Variants in DOK7 observed in about 807,000 individuals in gnomAD.
DOK7 encodes docking protein 7.
Under a neutral mutation model 30.7 loss-of-function variants are expected in DOK7, and 32 were observed. That is an observed-to-expected ratio of 1.04 (90% confidence interval 0.79 to 1.40). The LOEUF is 1.40. Ranked by LOEUF, DOK7 falls within the 40% of genes most tolerant of loss-of-function variation. The probability of loss-of-function intolerance (pLI) is 0.00; values close to 1 mark genes in which losing one functional copy is unlikely to be tolerated. For synonymous variants in DOK7, 447 were observed against 324.1 expected (o/e 1.38, Z -4.07); for missense variants, 1,007 against 699.2 (o/e 1.44, Z -4.97).
At chr4:3,500,394 G>A in exon 7 of DOK7, 1 of 1,535,910 alleles carries the variant, frequency 6.5e-7, no homozygotes, top group Non-Finnish European at 8.7e-7. Flanking sequence ...GGCCAGCGAG[G>A]GTGTCCGAGG....
In DOK7 at chr4:3,500,983, A is replaced by G. The variant is rs142665339; in HGVS notation, c.*158A>G. On this transcript the variant is annotated 3_prime_UTR_variant, in exon 8 of 8. Coordinates refer to the DOK7 transcript ENST00000643608. ...TCTCCGGGCCATGGTGCAAACAGGA[A>G]GTTTTCAGGGCCCACGGCCAGGCCT... is the stretch of plus-strand genomic sequence containing the variant. 112 of 1,213,450 alleles carry G rather than the reference A, an allele frequency of 9.2e-5. 1 individual carries two copies. In the African/African-American group the frequency reaches 1.6e-3, roughly 17 times the overall value. The allele number at this position is 1,213,450 out of a possible 1,614,324, so 75.2% of individuals were successfully genotyped here.
At chr4:3,486,926 G>A (rs1190764789) in intron 5 of DOK7, among the ~76,000 whole-genome samples, 2 of 152,102 alleles carry the variant, frequency 1.3e-5, no homozygotes, top group African/African-American at 2.4e-5. Flanking sequence ...GGCAGTTCCC[G>A]GGGAGCAGAG....
chr4:3,496,731 G>C (rs1038064572), downstream of DOK7: 1 of 1,438,530 alleles, frequency 7.0e-7, no homozygotes, highest in Non-Finnish European at 9.3e-7. Context: ...TCACTCTTGG[G>C]GGGTAGTGTC....
chr4:3,490,302 G>GCCC lies in DOK7; in HGVS notation c.772+511_772+513dup, dbSNP rs149731759. Among the ~76,000 whole-genome samples the GCCC allele has an allele frequency of 4.1e-3, 210 of 50,698 alleles. 3 individuals carry two copies. The highest frequency in any genetic ancestry group is 8.5e-3 in the African/African-American group (99 of 11,590). The allele number at this position is 50,698 out of a possible 152,430, so 33.3% of individuals were successfully genotyped here. ...ACCTTGCTCATTCATTTCTTCCTCC[G>GCCC]CCCCCCCGGCTCATTCTTGCCTTAC... On this transcript the variant is annotated intron_variant, in intron 6 of 6. Coordinates refer to ENST00000340083, the MANE Select transcript of DOK7 (RefSeq NM_173660.5).
At chr4:3,496,733 G>A (rs1016183220), downstream of DOK7, 1 of 1,441,626 alleles carries the variant, frequency 6.9e-7, no homozygotes, top group Admixed American at 2.2e-5. Flanking sequence ...ACTCTTGGGG[G>A]GTAGTGTCCT....
At chr4:3,488,119 G>C (rs549064025) in intron 5 of DOK7, among the ~76,000 whole-genome samples, 7 of 152,388 alleles carry the variant, frequency 4.6e-5, no homozygotes, top group African/African-American at 1.2e-4. Context: ...GGACAGGAGA[G>C]AGGCTTGTGC....
chr4:3,494,662 AGCTCCGGGCAGCCCCCGGGCT>A (rs1282601442), downstream of DOK7, among the ~76,000 whole-genome samples: 2 of 150,278 alleles, frequency 1.3e-5, no homozygotes, highest in Non-Finnish European at 3.0e-5. Flanking sequence ...GCGGAGAGGC[AGCTCCGGGCAGCCCCCGGGCT>A]GGGATGTGCA....
chr4:3,480,426 G>A (rs1231951955), intron 4 of DOK7, among the ~76,000 whole-genome samples: 3 of 152,148 alleles, frequency 2.0e-5, no homozygotes, highest in Admixed American at 6.5e-5. Context: ...TGGTCAACAT[G>A]GTGAAACCCC....
At chr4:3,469,263 T>C (rs1032145995) in intron 2 of DOK7, among the ~76,000 whole-genome samples, 1 of 152,058 alleles carries the variant, frequency 6.6e-6, no homozygotes, top group Admixed American at 6.5e-5. Flanking sequence ...CTCTGTGCCT[T>C]GGCCTCTCCT....
In DOK7 at chr4:3,473,598, G is replaced by A. The variant is rs756504268; in HGVS notation, c.293G>A (p.Cys98Tyr). Residue 98 changes from cysteine (C) to tyrosine (Y), a missense_variant, in exon 3 of 7, where the codon TGT (cysteine) becomes TAT (tyrosine). Physicochemically the swap from Cys to Tyr is radical, Grantham distance 194. Transcript: ENST00000340083. ...GGCTTTGACAGCCACGAGGCCATGT[G>A]TGCGTGGGATGCCCGGATCCGCTAT... ...MLGFDSHEAM[C>Y]AWDARIRYAL... is the part of the protein sequence containing the mutation. The A allele has an allele frequency of 3.2e-5, 51 of 1,603,734 alleles. No homozygotes were observed. Among genetic ancestry groups the A allele is most frequent in the Non-Finnish European group, 6.0e-6 (7 of 1,174,756 alleles).
intron 2 of DOK7, among the ~76,000 whole-genome samples, chr4:3,464,223 C>A (rs1187455062): frequency 6.6e-6 from 1 of 152,182 alleles, no homozygotes; most frequent in East Asian, 1.9e-4. Context: ...AGGCCCGGGT[C>A]TGGGTGGGAT....
Position 3,493,078 on chromosome 4 carries a change from G to C in DOK7, c.1092G>C (p.Arg364=). The part of the protein sequence containing the change: ...SYAGSSLDVW[R]ATDELGSLLS... The stretch of plus-strand genomic sequence containing the variant: ...CGGGCAGCAGCCTGGACGTGTGGCG[G>C]GCCACAGATGAACTGGGCTCACTGC... The change falls in exon 7 of 7, where the codon CGG becomes CGC. Residue 364 remains arginine, a synonymous_variant. Coordinates refer to ENST00000340083, the MANE Select transcript of DOK7 (RefSeq NM_173660.5). 6.3e-7 allele frequency: 1 copy of C among 1,576,108 alleles called. No individual in the cohort carries two copies. Among genetic ancestry groups the C allele is most frequent in the Non-Finnish European group, 8.6e-7 (1 of 1,165,448 alleles).
intron 4 of DOK7, among the ~76,000 whole-genome samples, chr4:3,484,176 G>A (rs1360794406): frequency 6.6e-6 from 1 of 152,212 alleles, no homozygotes; most frequent in Non-Finnish European, 1.5e-5. Flanking sequence ...TAGGAATGGC[G>A]CTGTCCCATG....
intron 5 of DOK7, 21 bp from the exon 6 acceptor site, chr4:3,489,656 C>G: frequency 1.3e-6 from 2 of 1,562,100 alleles, no homozygotes; most frequent in Non-Finnish European, 1.7e-6. Context: ...CCTCCTCCAC[C>G]GAGTCTTCTC....
At chr4:3,481,165 C>T (rs1398465783) in intron 4 of DOK7, among the ~76,000 whole-genome samples, 5 of 151,408 alleles carry the variant, frequency 3.3e-5, no homozygotes, top group Non-Finnish European at 5.9e-5. Flanking sequence ...GCTAATTGGA[C>T]CAGTGTTTGT....
At chr4:3,494,585 C>T (rs1728793552), downstream of DOK7, 1 of 934,870 alleles carries the variant, frequency 1.1e-6, no homozygotes, top group South Asian at 5.0e-5. Flanking sequence ...GCTTCCCTGG[C>T]CTTTATCTCA....
chr4:3,482,895 G>T (rs1235354755), intron 4 of DOK7, among the ~76,000 whole-genome samples: 1 of 152,204 alleles, frequency 6.6e-6, no homozygotes, highest in Admixed American at 6.5e-5. Context: ...TGGCAGCCGG[G>T]ACGGCAGCAG....
chr4:3,496,943 T>A, downstream of DOK7: 1 of 216,636 alleles, frequency 4.6e-6, no homozygotes, highest in Non-Finnish European at 8.0e-6. Context: ...AGCCAGAGTT[T>A]GACTAGATGG....
At position 3,493,309 on chromosome 4, in the gene DOK7, G is replaced by C. The variant is rs755615582; in HGVS notation, c.1323G>C (p.Gly441=). ...ARDSGGQTSA[G]CPSGWLGTRR... ...ACTCAGGCGGCCAGACGTCCGCCGGGTGTCCCTCTGGCTGGCTGGGCACGA... is the reference window on the plus strand; with the variant it reads ...ACTCAGGCGGCCAGACGTCCGCCGGCTGTCCCTCTGGCTGGCTGGGCACGA... Residue 441 remains glycine (G), a synonymous_variant, in exon 7 of 7, where the codon GGG becomes GGC. Coordinates refer to ENST00000340083, the MANE Select transcript of DOK7 (RefSeq NM_173660.5). 6.2e-6 allele frequency: 10 copies of C among 1,605,770 alleles called. No homozygotes were observed. The highest frequency in any genetic ancestry group is 8.5e-6 in the Non-Finnish European group (10 of 1,176,706).
Sources: allele counts gnomAD v4.1 joint callset (sites outside exome capture counted in the v4.1 genomes callset), GRCh38; gene constraint gnomAD v4.1.1; transcripts MANE v1.5; gene names NCBI Gene and HGNC (gene_info 2026-07-23, HGNC 2026-07-21).